ITPKB: variants seen among roughly 807,000 people sequenced by gnomAD.
ITPKB encodes IP3 3-kinase B.
In ITPKB, 13 loss-of-function variants were observed where a neutral mutation model predicts 69.4. The observed-to-expected ratio is 0.19, with a 90% confidence interval of 0.12 to 0.30. The LOEUF (loss-of-function observed/expected upper bound fraction) is 0.30, where lower values mean the gene tolerates loss of function less well. ITPKB is among the 10% of genes least tolerant of loss of function. The pLI, the probability that ITPKB is intolerant of heterozygous loss-of-function variation, is 1.00. For synonymous variants in ITPKB, 584 were observed against 513.7 expected (o/e 1.14, Z -1.85); for missense variants, 1,240 against 1,250.5 (o/e 0.99, Z 0.13).
chr1:226,634,928 C>G lies in ITPKB; in HGVS notation c.2626-42G>C. ...GGTGAAGGGTGAGCTGAAGCCCGGG[C>G]CTCGCCCTCCCCACTGCGGCCCGGG... is the stretch of plus-strand genomic sequence containing the variant. On this transcript the variant is annotated intron_variant, in intron 7 of 7. Coordinates refer to ENST00000429204, the MANE Select transcript of ITPKB (RefSeq NM_002221.4). The surrounding 1 kb of genome is among the most constrained non-coding windows in gnomAD (Gnocchi z 6.3). The G allele has an allele frequency of 6.6e-7, 1 of 1,514,778 alleles. No individual in the cohort carries two copies. The highest frequency in any genetic ancestry group is 1.2e-5 in the South Asian group (1 of 83,440). 93.8% of individuals were successfully genotyped at this position (1,514,778 alleles called of 1,614,324 possible).
chr1:226,697,537 T>C (rs1010212846), intron 2 of ITPKB, among the ~76,000 whole-genome samples: 2 of 152,224 alleles, frequency 1.3e-5, no homozygotes, highest in African/African-American at 4.8e-5. Flanking sequence ...TCTTTGTGCG[T>C]GATTCTCCAA....
intron 4 of ITPKB, among the ~76,000 whole-genome samples, chr1:226,644,953 G>A (rs1669034271): frequency 6.6e-6 from 1 of 152,238 alleles, no homozygotes; most frequent in Admixed American, 6.5e-5. Context: ...CATGGAAGCT[G>A]GGTCCCACAC....
intron 2 of ITPKB, among the ~76,000 whole-genome samples, chr1:226,663,680 T>C (rs1337945574): frequency 1.3e-5 from 2 of 151,998 alleles, no homozygotes; most frequent in African/African-American, 4.8e-5. Context: ...CCACCATGCC[T>C]GAATAATTTT....
chr1:226,656,068 G>C (rs756529009), intron 2 of ITPKB, among the ~76,000 whole-genome samples: 10 of 152,224 alleles, frequency 6.6e-5, no homozygotes, highest in Non-Finnish European at 1.5e-4. Context: ...AATGACTGAG[G>C]ATGCTCAGGA....
chr1:226,704,451 T>C (rs1380987556), intron 2 of ITPKB, among the ~76,000 whole-genome samples: 1 of 152,198 alleles, frequency 6.6e-6, no homozygotes, highest in Admixed American at 6.5e-5. Context: ...CTAATGAAGA[T>C]GTGTGAGAAT....
chr1:226,704,829 C>T (rs1656762912), intron 2 of ITPKB, among the ~76,000 whole-genome samples: 1 of 152,228 alleles, frequency 6.6e-6, no homozygotes, highest in African/African-American at 2.4e-5. Context: ...CATTTGAAAT[C>T]TTGAGCTGGA....
chr1:226,717,987 C>T (rs984830851), intron 2 of ITPKB, among the ~76,000 whole-genome samples: 17 of 152,352 alleles, frequency 1.1e-4, no homozygotes, highest in Middle Eastern at 3.4e-3. Context: ...AAATTAACAT[C>T]GCCAGCCATT....
At chr1:226,699,609 G>A (rs1012373155) in intron 2 of ITPKB, among the ~76,000 whole-genome samples, 1 of 152,280 alleles carries the variant, frequency 6.6e-6, no homozygotes, top group East Asian at 1.9e-4. Flanking sequence ...ACAATGCCTG[G>A]AGCATATTAA....
chr1:226,654,136 C>G (rs1669242881), intron 2 of ITPKB, among the ~76,000 whole-genome samples: 1 of 152,138 alleles, frequency 6.6e-6, no homozygotes. Context: ...CAAGAGAGGC[C>G]TGGAGACCTC....
chr1:226,718,160 G>A (rs766111622), intron 2 of ITPKB, among the ~76,000 whole-genome samples: 14 of 152,052 alleles, frequency 9.2e-5, no homozygotes, highest in Non-Finnish European at 1.5e-4. Flanking sequence ...CAGGTGTGGT[G>A]GCGGGCACCT....
chr1:226,695,860 C>T (rs551174236), intron 2 of ITPKB, among the ~76,000 whole-genome samples: 9 of 152,118 alleles, frequency 5.9e-5, no homozygotes, highest in African/African-American at 2.2e-4. Context: ...GCCCCCCAAA[C>T]CCAGGGGGCA....
rs370700969 is a variant in ITPKB, at chr1:226,711,181, A to C, written c.1932+24346T>G. Among the ~76,000 whole-genome samples the C allele has an allele frequency of 8.6e-5, 13 of 151,854 alleles. No individual in the cohort carries two copies. The East Asian group carries it at 1.7e-3, about 20-fold the overall frequency. The stretch of plus-strand genomic sequence containing the variant: ...TCAATTGGGTGCTCATAAATAGGAC[A>C]AAAAAAATGAAAATTCTTCACTTAA... On this transcript the variant is annotated intron_variant, in intron 2 of 7. Transcript: ENST00000429204.
intron 2 of ITPKB, among the ~76,000 whole-genome samples, chr1:226,728,974 G>GCA (rs1338549628): frequency 1.3e-5 from 2 of 152,172 alleles, no homozygotes; most frequent in Non-Finnish European, 2.9e-5. Context: ...GGTAGATAAT[G>GCA]CAGCAGGGAT....
chr1:226,639,144 G>A (rs1464636470), intron 6 of ITPKB, among the ~76,000 whole-genome samples: 2 of 144,486 alleles, frequency 1.4e-5, no homozygotes, highest in Admixed American at 7.3e-5. Flanking sequence ...TGCAACCTCC[G>A]CCTCCCAGGT....
At chr1:226,699,554 G>A (rs1025801427) in intron 2 of ITPKB, among the ~76,000 whole-genome samples, 2 of 152,190 alleles carry the variant, frequency 1.3e-5, no homozygotes, top group Non-Finnish European at 2.9e-5. Context: ...ACCTCACAGG[G>A]TCATTAGGAG....
rs374589417 is a variant in ITPKB, at chr1:226,736,775, C to A, written c.684G>T (p.Ser228=). 1 of 1,613,082 alleles carries A rather than the reference C, an allele frequency of 6.2e-7. No individual in the cohort carries two copies. The highest frequency in any genetic ancestry group is 8.5e-7 in the Non-Finnish European group (1 of 1,180,008). Residue 228 remains serine, a synonymous_variant, in exon 2 of 8, where the codon TCG becomes TCT. Transcript: ENST00000429204. ...GAGGTGGCATTCCTTTCTTCACCTG[C>A]GAGGAGCATAGGCTGGGCCCTCCTT... ...GRKGGPSLCS[S]QVKKGMPPLP...
At chr1:226,703,786 C>CA (rs1656737542) in intron 2 of ITPKB, among the ~76,000 whole-genome samples, 2 of 152,216 alleles carry the variant, frequency 1.3e-5, no homozygotes, top group South Asian at 4.1e-4. Flanking sequence ...CTGCTGGCCG[C>CA]CAGCTTCCGG....
chr1:226,720,846 C>T (rs936659903), intron 2 of ITPKB, among the ~76,000 whole-genome samples: 1 of 148,734 alleles, frequency 6.7e-6, no homozygotes, highest in Non-Finnish European at 1.5e-5. Flanking sequence ...GGTTCAAGAT[C>T]AGCCTGGCCA....
At chr1:226,696,126 T>A (rs1010190800) in intron 2 of ITPKB, among the ~76,000 whole-genome samples, 1 of 152,220 alleles carries the variant, frequency 6.6e-6, no homozygotes, top group African/African-American at 2.4e-5. Context: ...GAATTCACTA[T>A]GCTGGATTAA....
Sources: allele counts gnomAD v4.1 joint callset (sites outside exome capture counted in the v4.1 genomes callset), GRCh38; gene constraint gnomAD v4.1.1; non-coding constraint Gnocchi (gnomAD v3.1); transcripts MANE v1.5; gene names NCBI Gene and HGNC (gene_info 2026-07-23, HGNC 2026-07-21).